The following BORCS5 variants were observed in gnomAD, a reference collection of about 807,000 sequenced individuals.
The protein encoded by BORCS5 is BLOC-1 related complex subunit 5.
In BORCS5, 17 loss-of-function variants were observed where a neutral mutation model predicts 22.1. That is an observed-to-expected ratio of 0.77 (90% CI 0.53 to 1.15). BORCS5 has a LOEUF of 1.15. BORCS5 is among the 50% of genes most tolerant of loss of function. BORCS5 has a pLI of 0.00. For missense variants in BORCS5, 247 were observed against 253.2 expected (o/e 0.98, Z 0.17); for synonymous variants, 117 against 99.8 (o/e 1.17, Z -1.03).
intron 2 of BORCS5, among the ~76,000 whole-genome samples, chr12:12,397,807 G>C (rs946176119): frequency 6.6e-6 from 1 of 152,172 alleles, no homozygotes; most frequent in Non-Finnish European, 1.5e-5. Flanking sequence ...TAATATGTCT[G>C]TCCTACTATT....
chr12:12,371,098 T>C (rs1863518217), intron 2 of BORCS5, among the ~76,000 whole-genome samples: 1 of 152,134 alleles, frequency 6.6e-6, no homozygotes, highest in Admixed American at 6.5e-5. Context: ...ATGTCTTTAT[T>C]TTCTGGCACA....
At chr12:12,435,826 G>A (rs767372772) in intron 3 of BORCS5, 41 bp downstream of exon 3, 115 of 1,584,052 alleles carry the variant, frequency 7.3e-5, no homozygotes, top group Non-Finnish European at 9.3e-5. Context: ...ACTGGTTGTT[G>A]TGATTCTCTG....
chr12:12,369,271 A>G (rs1034080059), intron 2 of BORCS5, among the ~76,000 whole-genome samples: 1 of 152,194 alleles, frequency 6.6e-6, no homozygotes, highest in African/African-American at 2.4e-5. Context: ...TTTGCATAGT[A>G]TACCTTTTAC....
chr12:12,435,990 C>A, intron 3 of BORCS5: 1 of 479,108 alleles, frequency 2.1e-6, no homozygotes, highest in Non-Finnish European at 3.6e-6. Context: ...TTTGCTTGGC[C>A]AAGTTGCTTA....
intron 2 of BORCS5, among the ~76,000 whole-genome samples, chr12:12,388,035 G>A (rs1863920585): frequency 6.6e-6 from 1 of 151,316 alleles, no homozygotes; most frequent in Non-Finnish European, 1.5e-5. Context: ...TTTCTAGTTG[G>A]TATTTTTGTG....
At chr12:12,412,196 A>G (rs1941753365) in intron 2 of BORCS5, among the ~76,000 whole-genome samples, 1 of 152,216 alleles carries the variant, frequency 6.6e-6, no homozygotes. Context: ...TTGAACCTGT[A>G]AATCACTTTT....
chr12:12,458,469 TTTTC>T (rs1219136428), intron 3 of BORCS5, among the ~76,000 whole-genome samples: 2 of 152,182 alleles, frequency 1.3e-5, no homozygotes, highest in East Asian at 1.9e-4. Flanking sequence ...TAGTGAAATT[TTTTC>T]TTTCTTTGTT....
intron 2 of BORCS5, among the ~76,000 whole-genome samples, chr12:12,390,368 G>T (rs1170263139): frequency 6.6e-6 from 1 of 152,100 alleles, no homozygotes; most frequent in African/African-American, 2.4e-5. Flanking sequence ...CATAGATCAT[G>T]ATGAGGAAGG....
chr12:12,408,576 C>G (rs781130274), intron 2 of BORCS5, among the ~76,000 whole-genome samples: 10 of 152,216 alleles, frequency 6.6e-5, no homozygotes, highest in African/African-American at 2.4e-4. Flanking sequence ...CCTCCCAGCC[C>G]TGGTAACCAC....
intron 3 of BORCS5, among the ~76,000 whole-genome samples, chr12:12,457,101 A>G (rs979644558): frequency 8.5e-5 from 13 of 152,186 alleles, no homozygotes; most frequent in African/African-American, 2.4e-4. Flanking sequence ...TTCAGTTCAC[A>G]TATATTTTAT....
chr12:12,421,938 C>T (rs1157610191), intron 2 of BORCS5, among the ~76,000 whole-genome samples: 1 of 152,058 alleles, frequency 6.6e-6, no homozygotes, highest in Non-Finnish European at 1.5e-5. Flanking sequence ...TGATTCTTCT[C>T]TCTTTTCTTC....
chr12:12,427,095 G>A (rs532911879), intron 2 of BORCS5, among the ~76,000 whole-genome samples: 11 of 151,686 alleles, frequency 7.3e-5, no homozygotes, highest in South Asian at 6.2e-4. Flanking sequence ...TAAGTATCCC[G>A]AAGGAATCAA....
intron 2 of BORCS5, among the ~76,000 whole-genome samples, chr12:12,409,564 A>G (rs998407315): frequency 6.6e-6 from 1 of 151,450 alleles, no homozygotes; most frequent in Non-Finnish European, 1.5e-5. Context: ...TGAACTCATC[A>G]TTTTTTATGG....
intron 2 of BORCS5, among the ~76,000 whole-genome samples, chr12:12,417,996 ATTTATTTATTTAT>A (rs1942013194): frequency 1.5e-4 from 1 of 6,578 alleles, no homozygotes; most frequent in Non-Finnish European, 3.2e-4. Flanking sequence ...CCATTTATTT[ATTTATTTATTTAT>A]TTATTTATTT....
Position 12,361,317 on chromosome 12 carries a change from A to G in BORCS5, c.170A>G (p.Gln57Arg), listed in dbSNP as rs911979192. The G allele has an allele frequency of 6.2e-7, 1 of 1,614,172 alleles. No homozygotes were observed. Among genetic ancestry groups the G allele is most frequent in the Non-Finnish European group, 8.5e-7 (1 of 1,180,018 alleles). ...VSNDPDVIKLQEIPTFQPLLK... is the reference protein window; with the variant it reads ...VSNDPDVIKLREIPTFQPLLK... ...AACGATCCCGATGTCATCAAGTTGC[A>G]AGAGATTCCAACCTTCCAGCCCCTT... Residue 57 changes from glutamine to arginine, a missense_variant, in exon 2 of 4, where the codon CAA (glutamine) becomes CGA (arginine). Coordinates refer to ENST00000314565, the MANE Select transcript of BORCS5 (RefSeq NM_058169.6).
chr12:12,457,040 T>C (rs553698490), intron 3 of BORCS5, among the ~76,000 whole-genome samples: 2 of 152,314 alleles, frequency 1.3e-5, no homozygotes, highest in East Asian at 1.9e-4. Context: ...ACATTTCTTA[T>C]CTTGCTTTTT....
intron 2 of BORCS5, among the ~76,000 whole-genome samples, chr12:12,371,251 C>G (rs1016307916): frequency 6.6e-6 from 1 of 152,112 alleles, no homozygotes; most frequent in Non-Finnish European, 1.5e-5. Flanking sequence ...GCTAGGGAAT[C>G]CATAGATACA....
intron 2 of BORCS5, among the ~76,000 whole-genome samples, chr12:12,411,529 G>T (rs1050937931): frequency 2.0e-5 from 3 of 151,998 alleles, no homozygotes; most frequent in African/African-American, 7.2e-5. Context: ...AAATATACAT[G>T]ATTTGAAAGT....
chr12:12,405,535 G>A (rs532101375), intron 2 of BORCS5, among the ~76,000 whole-genome samples: 1 of 152,004 alleles, frequency 6.6e-6, no homozygotes, highest in Non-Finnish European at 1.5e-5. Flanking sequence ...TTAGTATAGG[G>A]GATTACCTGC....
Sources: gnomAD v4.1 joint callset for allele counts (sites outside exome capture counted in the v4.1 genomes callset) on GRCh38, gnomAD v4.1.1 for gene constraint, MANE v1.5 for transcripts, NCBI Gene and HGNC (gene_info 2026-07-23, HGNC 2026-07-21) for gene names.